The following RGS7 variants were observed in gnomAD, a reference collection of about 807,000 sequenced individuals.
The protein encoded by RGS7 is regulator of G-protein signaling 7.
Under a neutral mutation model 81.1 loss-of-function variants are expected in RGS7, and 27 were observed. The observed-to-expected ratio is 0.33, with a 90% CI of 0.25 to 0.46. The LOEUF (loss-of-function observed/expected upper bound fraction) is 0.46, where lower values mean the gene tolerates loss of function less well. Ranked by LOEUF, RGS7 falls within the 20% of genes least tolerant of loss-of-function variation. The probability of loss-of-function intolerance (pLI) is 1.00; values close to 1 mark genes in which losing one functional copy is unlikely to be tolerated. For missense variants in RGS7, 396 were observed against 607.4 expected (o/e 0.65, Z 3.66); for synonymous variants, 208 against 207.7 (o/e 1.00, Z -0.01).
rs573766796 is a variant in RGS7 at position 241,120,410 on chromosome 1, C to T, written c.79-21648G>A. Among the ~76,000 whole-genome samples, 7 of 152,054 alleles carry T rather than the reference C, an allele frequency of 4.6e-5. No individual in the cohort carries two copies. In the East Asian group the frequency reaches 9.6e-4, roughly 21 times the overall value. The stretch of plus-strand genomic sequence containing the variant: ...TTGCCCAGGCTGGAGTGCAGTGGCA[C>T]TATCACAGTTCACTACCGCCTGGAA... On this transcript the variant is annotated intron_variant, in intron 2 of 18. Transcript: ENST00000440928.
chr1:241,086,890 C>T (rs2063483209), intron 3 of RGS7, among the ~76,000 whole-genome samples: 1 of 152,154 alleles, frequency 6.6e-6, no homozygotes, highest in Admixed American at 6.5e-5. Flanking sequence ...TCCTCTTTTC[C>T]CTGGCTAAGT....
At chr1:241,202,729 C>A (rs2073613197) in intron 2 of RGS7, among the ~76,000 whole-genome samples, 1 of 152,098 alleles carries the variant, frequency 6.6e-6, no homozygotes, top group Non-Finnish European at 1.5e-5. Flanking sequence ...CAGATAAGTT[C>A]TTTACGGCTA....
intron 2 of RGS7, among the ~76,000 whole-genome samples, chr1:241,286,302 C>T (rs575990616): frequency 3.9e-5 from 6 of 152,170 alleles, no homozygotes; most frequent in Non-Finnish European, 8.8e-5. Context: ...ACTGCTTCTT[C>T]GTGACAAACC....
At chr1:241,254,427 G>T (rs1404512578) in intron 2 of RGS7, among the ~76,000 whole-genome samples, 1 of 152,092 alleles carries the variant, frequency 6.6e-6, no homozygotes, top group Non-Finnish European at 1.5e-5. Context: ...TCTGGAGGCT[G>T]GAAAGTCCAA....
At chr1:241,248,794 G>A (rs1256356368) in intron 2 of RGS7, among the ~76,000 whole-genome samples, 1 of 152,132 alleles carries the variant, frequency 6.6e-6, no homozygotes, top group Non-Finnish European at 1.5e-5. Flanking sequence ...GAGTGGAGAA[G>A]GCAGACATGT....
At chr1:240,826,526 T>A (rs1692864462) in intron 10 of RGS7, among the ~76,000 whole-genome samples, 1 of 152,184 alleles carries the variant, frequency 6.6e-6, no homozygotes, top group African/African-American at 2.4e-5. Flanking sequence ...GGCCAGAAAT[T>A]CTTGTGTACA....
intron 3 of RGS7, among the ~76,000 whole-genome samples, chr1:241,042,146 C>T (rs911309091): frequency 2.6e-5 from 4 of 152,162 alleles, no homozygotes; most frequent in Non-Finnish European, 4.4e-5. Flanking sequence ...TCCAAAAGAA[C>T]GCTGTCACAT....
intron 4 of RGS7, among the ~76,000 whole-genome samples, chr1:240,947,861 T>C (rs1014365491): frequency 3.3e-5 from 5 of 152,238 alleles, no homozygotes; most frequent in Non-Finnish European, 7.3e-5. Flanking sequence ...TACTTCTCTG[T>C]CTTCCTTTCC....
chr1:241,014,779 T>C (rs2059137300), intron 3 of RGS7, among the ~76,000 whole-genome samples: 1 of 152,184 alleles, frequency 6.6e-6, no homozygotes, highest in African/African-American at 2.4e-5. Flanking sequence ...TAGAAACAAC[T>C]ATGAAAATCT....
intron 2 of RGS7, among the ~76,000 whole-genome samples, chr1:241,201,356 T>C (rs377400424): frequency 2.2e-4 from 34 of 152,234 alleles, no homozygotes; most frequent in East Asian, 7.8e-4. Flanking sequence ...TCATCCTACA[T>C]AAAAGCAGAA....
At chr1:240,923,064 T>C (rs1456265081) in intron 6 of RGS7, among the ~76,000 whole-genome samples, 1 of 152,078 alleles carries the variant, frequency 6.6e-6, no homozygotes, top group Non-Finnish European at 1.5e-5. Flanking sequence ...GGAGAAACTA[T>C]AACAAATCTT....
chr1:241,083,168 G>A (rs1488502742), intron 3 of RGS7, among the ~76,000 whole-genome samples: 1 of 148,528 alleles, frequency 6.7e-6, no homozygotes, highest in African/African-American at 2.5e-5. Flanking sequence ...AGAGGTTGTA[G>A]TGAGCCAAGA....
In RGS7 at chr1:240,933,018, G is replaced by A. The variant is rs972117430; in HGVS notation, c.334-2250C>T. The stretch of plus-strand genomic sequence containing the variant: ...CCTGCCTCAGCCTCCCGAGTAGCTG[G>A]GACTACAGGCGCCCGCACCACGCCC... On this transcript the variant is annotated intron_variant, in intron 5 of 18. Coordinates refer to ENST00000440928, the MANE Select transcript of RGS7 (RefSeq NM_001364886.1). Among the ~76,000 whole-genome samples, 12 of 149,042 alleles carry A rather than the reference G, an allele frequency of 8.1e-5. 1 individual carries two copies. The highest frequency in any genetic ancestry group is 1.6e-4 in the Non-Finnish European group (11 of 67,166).
chr1:241,187,061 G>C (rs903976769), intron 2 of RGS7, among the ~76,000 whole-genome samples: 2 of 152,228 alleles, frequency 1.3e-5, no homozygotes, highest in East Asian at 3.9e-4. Context: ...GTTTAGAAAT[G>C]AGAAAATTGT....
chr1:241,190,464 T>G (rs920833426), intron 2 of RGS7, among the ~76,000 whole-genome samples: 2 of 152,184 alleles, frequency 1.3e-5, no homozygotes, highest in Non-Finnish European at 2.9e-5. Context: ...ATTGCATTTA[T>G]GTCCATTAAT....
At chr1:241,033,211 C>T (rs982813196) in intron 3 of RGS7, among the ~76,000 whole-genome samples, 4 of 152,106 alleles carry the variant, frequency 2.6e-5, no homozygotes, top group East Asian at 1.9e-4. Flanking sequence ...ATTAACTGGG[C>T]GTGATGGTGC....
intron 2 of RGS7, among the ~76,000 whole-genome samples, chr1:241,242,662 T>C (rs2076321539): frequency 2.0e-5 from 3 of 152,256 alleles, no homozygotes; most frequent in South Asian, 2.1e-4. Context: ...TTTCTGATTA[T>C]GGCCATTCTT....
At chr1:241,285,027 T>C (rs1186140124) in intron 2 of RGS7, among the ~76,000 whole-genome samples, 5 of 152,102 alleles carry the variant, frequency 3.3e-5, no homozygotes, top group African/African-American at 1.2e-4. Flanking sequence ...CCCACCACAA[T>C]GCCCAGCTAA....
At chr1:241,039,859 G>A (rs2060517620) in intron 3 of RGS7, among the ~76,000 whole-genome samples, 1 of 152,150 alleles carries the variant, frequency 6.6e-6, no homozygotes, top group African/African-American at 2.4e-5. Context: ...TTGCTGTTCA[G>A]GAACACCCGC....
Sources: gnomAD v4.1 joint callset for allele counts (sites outside exome capture counted in the v4.1 genomes callset) on GRCh38, gnomAD v4.1.1 for gene constraint, MANE v1.5 for transcripts, NCBI Gene and HGNC (gene_info 2026-07-23, HGNC 2026-07-21) for gene names.